LRMDA: variants seen among roughly 807,000 people sequenced by gnomAD.
The protein encoded by LRMDA is leucine-rich melanocyte differentiation-associated protein.
A neutral mutation model predicts 29.8 loss-of-function variants in LRMDA; 18 were observed. The ratio of observed to expected loss-of-function variants is 0.60; its 90% CI spans 0.42 to 0.90. LRMDA has a LOEUF of 0.90. LRMDA is among the 40% of genes least tolerant of loss of function. The pLI is 0.00. For missense variants in LRMDA, 273 were observed against 273.9 expected, an observed-to-expected ratio of 1.00 and a Z score of 0.02; for synonymous variants, 125 against 109.4, an observed-to-expected ratio of 1.14 and a Z score of -0.89.
chr10:75,708,471 G>T (rs571492790), intron 2 of LRMDA, among the ~76,000 whole-genome samples: 21 of 152,090 alleles, frequency 1.4e-4, no homozygotes, highest in Admixed American at 1.3e-4. Context: ...TGGCTGCCAG[G>T]TGATTTAGTT....
chr10:75,565,689 G>A (rs917453634), intron 2 of LRMDA, among the ~76,000 whole-genome samples: 2 of 152,142 alleles, frequency 1.3e-5, no homozygotes, highest in Non-Finnish European at 2.9e-5. Context: ...TCATGGAAAG[G>A]TATGTTATTT....
intron 6 of LRMDA, among the ~76,000 whole-genome samples, chr10:76,538,510 A>G (rs1025244648): frequency 6.8e-6 from 1 of 147,670 alleles, no homozygotes; most frequent in Non-Finnish European, 1.5e-5. Context: ...GTATATATAT[A>G]TGTATATACA....
chr10:75,593,096 G>A (rs1027808833), intron 2 of LRMDA, among the ~76,000 whole-genome samples: 1 of 152,132 alleles, frequency 6.6e-6, no homozygotes, highest in Non-Finnish European at 1.5e-5. Flanking sequence ...GATGTCATGC[G>A]GAAAAGAGTC....
chr10:75,928,289 T>G (rs1846153903), intron 2 of LRMDA, among the ~76,000 whole-genome samples: 1 of 149,598 alleles, frequency 6.7e-6, no homozygotes, highest in Admixed American at 6.7e-5. Flanking sequence ...AGTTTTGGGT[T>G]TTTTTTTTTA....
chr10:75,590,847 A>G (rs1166435735), intron 2 of LRMDA, among the ~76,000 whole-genome samples: 1 of 139,310 alleles, frequency 7.2e-6, no homozygotes, highest in East Asian at 2.2e-4. Flanking sequence ...TCCCGGGTTC[A>G]AGTGGTTCTC....
chr10:75,701,332 T>G (rs1842305797), intron 2 of LRMDA, among the ~76,000 whole-genome samples: 1 of 152,194 alleles, frequency 6.6e-6, no homozygotes, highest in Non-Finnish European at 1.5e-5. Flanking sequence ...TTTTGGACAA[T>G]CAAGATGCCC....
intron 6 of LRMDA, among the ~76,000 whole-genome samples, chr10:76,475,855 A>G (rs2132321375): frequency 6.6e-6 from 1 of 152,280 alleles, no homozygotes; most frequent in South Asian, 2.1e-4. Context: ...AACCAACGAG[A>G]ACAAAGACAC....
intron 5 of LRMDA, among the ~76,000 whole-genome samples, chr10:76,222,028 C>A (rs1305967851): frequency 6.6e-6 from 1 of 152,082 alleles, no homozygotes; most frequent in Admixed American, 6.6e-5. Context: ...AAAGGATTCC[C>A]TATTTAATAA....
intron 2 of LRMDA, among the ~76,000 whole-genome samples, chr10:75,599,194 C>T (rs890219744): frequency 6.6e-6 from 1 of 152,100 alleles, no homozygotes; most frequent in Admixed American, 6.6e-5. Context: ...AGTCTCCTGG[C>T]GCTACAGAGT....
chr10:76,236,652 C>G (rs1428592047), intron 5 of LRMDA, among the ~76,000 whole-genome samples: 1 of 152,296 alleles, frequency 6.6e-6, no homozygotes, highest in East Asian at 1.9e-4. Context: ...GTTTAGTGGC[C>G]TATGACCAAA....
intron 5 of LRMDA, among the ~76,000 whole-genome samples, chr10:76,123,232 G>C (rs748758909): frequency 1.3e-5 from 2 of 151,990 alleles, no homozygotes; most frequent in Non-Finnish European, 2.9e-5. Flanking sequence ...AACAAGGCAA[G>C]GCACAGTGGC....
intron 6 of LRMDA, among the ~76,000 whole-genome samples, chr10:76,503,046 C>G (rs1466663235): frequency 1.3e-5 from 2 of 151,726 alleles, no homozygotes; most frequent in Non-Finnish European, 2.9e-5. Context: ...ATAGATGGCT[C>G]TTATTATTTT....
chr10:75,771,203 T>C (rs571526476), intron 2 of LRMDA, among the ~76,000 whole-genome samples: 2 of 152,132 alleles, frequency 1.3e-5, no homozygotes, highest in East Asian at 3.9e-4. Context: ...TAGGGGATAA[T>C]GGCTATTGAC....
At chr10:75,864,308 G>A (rs1408916650) in intron 2 of LRMDA, among the ~76,000 whole-genome samples, 1 of 152,188 alleles carries the variant, frequency 6.6e-6, no homozygotes, top group Non-Finnish European at 1.5e-5. Flanking sequence ...AGCCGGATGT[G>A]CTCTATGAAC....
At chr10:76,346,406 GAAAACATCC>G (rs1841109144) in intron 6 of LRMDA, 1 of 152,156 alleles carries the variant, frequency 6.6e-6, no homozygotes, top group African/African-American at 2.4e-5. Context: ...TTGTTTCTGT[GAAAACATCC>G]CTTTTCTTCT....
At chr10:75,654,923 A>G in intron 2 of LRMDA, among the ~76,000 whole-genome samples, 1 of 152,248 alleles carries the variant, frequency 6.6e-6, no homozygotes, top group Non-Finnish European at 1.5e-5. Flanking sequence ...ACAGAAAAAA[A>G]TTAACTTTGC....
chr10:75,836,617 A>G (rs1844441873), intron 2 of LRMDA, among the ~76,000 whole-genome samples: 1 of 152,196 alleles, frequency 6.6e-6, no homozygotes, highest in Non-Finnish European at 1.5e-5. Context: ...TCTATTCAGC[A>G]CACAAATGAG....
rs541592007 is a variant in LRMDA at position 75,735,579 on chromosome 10, T to G, written c.131+297085T>G. ...TGCACTGCCTTCTACCTAGCCATGC[T>G]GGAGGCACCTTGCTCCTGTGTTCTG... On this transcript the variant is annotated intron_variant, in intron 2 of 6. Coordinates refer to ENST00000611255, the MANE Select transcript of LRMDA (RefSeq NM_001305581.2). Among the ~76,000 whole-genome samples the G allele has an allele frequency of 7.2e-4, 110 of 152,360 alleles. 1 individual carries two copies. The highest frequency in any genetic ancestry group is 1.4e-3 in the Non-Finnish European group (94 of 68,036).
intron 2 of LRMDA, among the ~76,000 whole-genome samples, chr10:75,486,696 G>C (rs1373533373): frequency 6.6e-6 from 1 of 152,140 alleles, no homozygotes; most frequent in Non-Finnish European, 1.5e-5. Context: ...TGGCATGCTG[G>C]GGAGAAGGCA....
Sources: allele counts gnomAD v4.1 joint callset (sites outside exome capture counted in the v4.1 genomes callset), GRCh38; gene constraint gnomAD v4.1.1; transcripts MANE v1.5; gene names NCBI Gene and HGNC (gene_info 2026-07-23, HGNC 2026-07-21).